Variants in PTPRQ observed in about 807,000 individuals in gnomAD.
PTPRQ encodes the protein protein tyrosine phosphatase receptor type Q.
Under a neutral mutation model 246.0 loss-of-function variants are expected in PTPRQ, and 199 were observed. The ratio of observed to expected loss-of-function variants is 0.81; its 90% CI spans 0.72 to 0.91. The LOEUF (loss-of-function observed/expected upper bound fraction) is 0.91. Ranked by LOEUF, PTPRQ falls within the 40% of genes least tolerant of loss-of-function variation. The probability of loss-of-function intolerance (pLI) is 0.00; values close to 1 mark genes in which losing one functional copy is unlikely to be tolerated. For missense variants in PTPRQ, 2,624 were observed against 2,528.4 expected (o/e 1.04, Z -0.81); for synonymous variants, 869 against 853.2 (o/e 1.02, Z -0.32).
intron 6 of PTPRQ, among the ~76,000 whole-genome samples, chr12:80,466,279 C>A (rs1363096763): frequency 2.0e-5 from 3 of 152,064 alleles, no homozygotes; most frequent in Non-Finnish European, 4.4e-5. Flanking sequence ...GAATAAAATA[C>A]CTAGGAATCC....
chr12:80,520,143 T>A (rs1895427460), intron 17 of PTPRQ, among the ~76,000 whole-genome samples: 1 of 152,002 alleles, frequency 6.6e-6, no homozygotes, highest in Non-Finnish European at 1.5e-5. Context: ...GTGGTCTCTA[T>A]TTCATATGGT....
At chr12:80,482,489 C>A (rs1203715772) in intron 8 of PTPRQ, among the ~76,000 whole-genome samples, 3 of 151,278 alleles carry the variant, frequency 2.0e-5, no homozygotes, top group Non-Finnish European at 3.0e-5. Flanking sequence ...TCTAAAACAC[C>A]AAAAGCAATG....
intron 39 of PTPRQ, among the ~76,000 whole-genome samples, chr12:80,658,426 A>C (rs1394882711): frequency 6.6e-6 from 1 of 151,976 alleles, no homozygotes. Flanking sequence ...ATAACATGAA[A>C]ATTTATTATG....
chr12:80,446,787 T>C (rs1254740861), intron 3 of PTPRQ, among the ~76,000 whole-genome samples: 1 of 152,082 alleles, frequency 6.6e-6, no homozygotes, highest in Non-Finnish European at 1.5e-5. Flanking sequence ...TAGTATTCCA[T>C]GGTGTATATA....
intron 16 of PTPRQ, 34 bp from the exon 17 acceptor site, chr12:80,510,289 A>T: frequency 1.4e-6 from 2 of 1,432,202 alleles, no homozygotes; most frequent in Non-Finnish European, 1.8e-6. Flanking sequence ...TATATGTTTA[A>T]TAAAACACAT....
intron 26 of PTPRQ, among the ~76,000 whole-genome samples, chr12:80,595,408 A>T (rs981273141): frequency 5.9e-5 from 9 of 152,066 alleles, no homozygotes; most frequent in African/African-American, 1.9e-4. Context: ...AATTCTCCAT[A>T]TTTTAAAATA....
chr12:80,448,193 T>C (rs1406122676), intron 3 of PTPRQ, among the ~76,000 whole-genome samples: 1 of 152,110 alleles, frequency 6.6e-6, no homozygotes, highest in Admixed American at 6.6e-5. Flanking sequence ...TCAGCCTGAA[T>C]GTTATTGGTG....
intron 9 of PTPRQ, among the ~76,000 whole-genome samples, chr12:80,491,999 G>A (rs1005758400): frequency 1.3e-5 from 2 of 151,804 alleles, no homozygotes; most frequent in Non-Finnish European, 2.9e-5. Context: ...AAGGGGTTTT[G>A]GAGGTAAGTT....
chr12:80,621,923 A>G (rs1899006689), intron 32 of PTPRQ, 138 bp from the exon 33 acceptor site: 1 of 570,730 alleles, frequency 1.8e-6, no homozygotes, highest in Non-Finnish European at 2.7e-6. Flanking sequence ...CCTGATGATG[A>G]TTCCATTCCA....
intron 3 of PTPRQ, among the ~76,000 whole-genome samples, chr12:80,452,834 A>G (rs1476543631): frequency 2.0e-5 from 3 of 151,960 alleles, no homozygotes; most frequent in African/African-American, 4.8e-5. Context: ...GAATATGACA[A>G]TTATGTGTCT....
At position 80,541,724 on chromosome 12, in the gene PTPRQ, A is replaced by G. The variant is rs1362559751; in HGVS notation, c.3324A>G (p.Arg1108=). Residue 1108 remains arginine (R), a synonymous_variant, in exon 21 of 45, where the codon AGA becomes AGG. Coordinates refer to ENST00000644991, the MANE Select transcript of PTPRQ (RefSeq NM_001145026.2). The part of the protein sequence containing the change: ...HVRPPLVTYE[R]SIYFDNLEKY... ...GACCACCTCTTGTTACATATGAGAGAAGCATATATTTTGATAATCTGGAAA... is the reference window on the plus strand; with the variant it reads ...GACCACCTCTTGTTACATATGAGAGGAGCATATATTTTGATAATCTGGAAA... The G allele has an allele frequency of 6.4e-7, 1 of 1,551,232 alleles. No individual in the cohort carries two copies. The highest frequency in any genetic ancestry group is 8.7e-7 in the Non-Finnish European group (1 of 1,146,748).
chr12:80,616,144 C>A, intron 29 of PTPRQ, 56 bp from the exon 30 acceptor site: 1 of 1,165,368 alleles, frequency 8.6e-7, no homozygotes, highest in Non-Finnish European at 1.1e-6. Flanking sequence ...TATATATATA[C>A]ACACACATAC....
At chr12:80,661,283 A>G (rs1900622448) in intron 39 of PTPRQ, among the ~76,000 whole-genome samples, 1 of 148,716 alleles carries the variant, frequency 6.7e-6, no homozygotes, top group South Asian at 2.1e-4. Flanking sequence ...ATACAGTTAT[A>G]TTTTATATGT....
intron 6 of PTPRQ, among the ~76,000 whole-genome samples, chr12:80,465,888 C>T (rs1022026071): frequency 3.3e-5 from 5 of 152,158 alleles, no homozygotes; most frequent in African/African-American, 1.2e-4. Flanking sequence ...GACAAACCCA[C>T]AGCCAATATC....
At chr12:80,604,424 G>GA (rs1705848896) in intron 26 of PTPRQ, among the ~76,000 whole-genome samples, 1 of 151,470 alleles carries the variant, frequency 6.6e-6, no homozygotes, top group Non-Finnish European at 1.5e-5. Context: ...TTGCGTTACT[G>GA]AAAAAATAAC....
Position 80,670,463 on chromosome 12 carries a change from T to A in PTPRQ, c.6573T>A (p.His2191Gln). ...FVKLVRASRAHDTTPMIVHCS... is the reference protein window; with the variant it reads ...FVKLVRASRAQDTTPMIVHCS... ...AGTTGGTTCGAGCAAGCAGGGCACA[T>A]GACACCACACCTATGATTGTTCACT... The change falls in exon 42 of 45, where the codon CAT (histidine) becomes CAA (glutamine). Residue 2191 changes from histidine (H) to glutamine (Q), a missense_variant. Transcript: ENST00000644991. The A allele has an allele frequency of 1.3e-6, 2 of 1,551,150 alleles. No homozygotes were observed. The highest frequency in any genetic ancestry group is 2.4e-5 in the South Asian group (2 of 83,990).
chr12:80,569,811 C>T (rs1435257684), intron 25 of PTPRQ, among the ~76,000 whole-genome samples: 2 of 151,564 alleles, frequency 1.3e-5, no homozygotes, highest in Non-Finnish European at 2.9e-5. Flanking sequence ...TGTTCAGCTC[C>T]CACTTATGAG....
rs1383361438 is a variant in PTPRQ, at chr12:80,539,860, T to C, written c.3070T>C (p.Tyr1024His). ...IIDKLTIFSY[Y>H]TFWLTASTSV... The stretch of plus-strand genomic sequence containing the variant: ...AGATAAACTGACAATATTCAGCTAC[T>C]ATACATTTTGGTTAACAGCAAGTAC... Residue 1024 changes from tyrosine (Y) to histidine (H), a missense_variant, in exon 20 of 45, where the codon TAT (tyrosine) becomes CAT (histidine). By Grantham distance (83) the Tyr-to-His change is moderately conservative (BLOSUM62 2). Transcript: ENST00000644991. The C allele has an allele frequency of 1.9e-6, 3 of 1,549,582 alleles. No homozygotes were observed. Among genetic ancestry groups the C allele is most frequent in the Non-Finnish European group, 2.6e-6 (3 of 1,145,972 alleles).
chr12:80,473,859 A>G (rs1270542940), intron 8 of PTPRQ, among the ~76,000 whole-genome samples: 1 of 152,222 alleles, frequency 6.6e-6, no homozygotes, highest in Non-Finnish European at 1.5e-5. Flanking sequence ...ATAAAAAGCA[A>G]TTTGTCCTGT....
Sources: allele counts gnomAD v4.1 joint callset (sites outside exome capture counted in the v4.1 genomes callset), GRCh38; gene constraint gnomAD v4.1.1; transcripts MANE v1.5; gene names NCBI Gene and HGNC (gene_info 2026-07-23, HGNC 2026-07-21).